The following CNTNAP5 variants were observed in gnomAD, a reference collection of about 807,000 sequenced individuals.
The protein encoded by CNTNAP5 is contactin associated protein family member 5.
Under a neutral mutation model 150.2 loss-of-function variants are expected in CNTNAP5, and 72 were observed. The observed-to-expected ratio is 0.48, with a 90% CI of 0.40 to 0.58. The LOEUF (loss-of-function observed/expected upper bound fraction) is 0.58, where lower values mean the gene tolerates loss of function less well. Among genes scored for constraint, CNTNAP5 ranks in the 20% least tolerant of loss-of-function variants. CNTNAP5 has a pLI of 0.00. For missense variants in CNTNAP5, 1,636 were observed against 1,626.2 expected (o/e 1.01, Z -0.10); for synonymous variants, 672 against 619.8 (o/e 1.08, Z -1.25).
At chr2:124,598,929 TC>T (rs1321807807) in intron 11 of CNTNAP5, among the ~76,000 whole-genome samples, 1 of 152,012 alleles carries the variant, frequency 6.6e-6, no homozygotes, top group Non-Finnish European at 1.5e-5. Context: ...GTCACCCCTT[TC>T]TTTGACTCGG....
chr2:124,397,095 C>G (rs1407130877), intron 3 of CNTNAP5, among the ~76,000 whole-genome samples: 1 of 152,196 alleles, frequency 6.6e-6, no homozygotes, highest in African/African-American at 2.4e-5. Flanking sequence ...AATTAGGTGA[C>G]ACTCTTGTGG....
At chr2:124,117,127 C>T (rs1258312498) in intron 1 of CNTNAP5, among the ~76,000 whole-genome samples, 1 of 152,124 alleles carries the variant, frequency 6.6e-6, no homozygotes, top group Non-Finnish European at 1.5e-5. Flanking sequence ...TTAAGTTTCC[C>T]TTATTTTCAT....
At chr2:124,118,562 G>T (rs1683483349) in intron 1 of CNTNAP5, among the ~76,000 whole-genome samples, 1 of 152,164 alleles carries the variant, frequency 6.6e-6, no homozygotes, top group Admixed American at 6.5e-5. Context: ...GCTCTTGAGA[G>T]AACATGAAGA....
At chr2:124,741,746 C>A (rs1680501465) in intron 13 of CNTNAP5, among the ~76,000 whole-genome samples, 1 of 152,076 alleles carries the variant, frequency 6.6e-6, no homozygotes, top group African/African-American at 2.4e-5. Context: ...GTATAGGAGT[C>A]TATATAGGCT....
chr2:124,851,298 G>T (rs568739531), intron 19 of CNTNAP5, among the ~76,000 whole-genome samples: 2 of 152,224 alleles, frequency 1.3e-5, no homozygotes, highest in African/African-American at 4.8e-5. Flanking sequence ...AGAGGCTACA[G>T]TAAGCCAAGA....
At chr2:124,734,001 GGAA>G (rs1324812797) in intron 13 of CNTNAP5, among the ~76,000 whole-genome samples, 3 of 152,100 alleles carry the variant, frequency 2.0e-5, no homozygotes, top group Non-Finnish European at 4.4e-5. Flanking sequence ...AGCCTGAGTA[GGAA>G]GAAGGACACA....
At chr2:124,045,927 G>T (rs1681520307) in intron 1 of CNTNAP5, among the ~76,000 whole-genome samples, 1 of 152,070 alleles carries the variant, frequency 6.6e-6, no homozygotes, top group African/African-American at 2.4e-5. Context: ...CTGAAATTGT[G>T]CACTCATCAC....
chr2:124,060,230 C>T (rs182591674), intron 1 of CNTNAP5, among the ~76,000 whole-genome samples: 6 of 152,202 alleles, frequency 3.9e-5, no homozygotes, highest in Admixed American at 3.9e-4. Flanking sequence ...ATCAGAAATC[C>T]GTCCACTATG....
chr2:124,157,821 C>G (rs1003989394), intron 1 of CNTNAP5, among the ~76,000 whole-genome samples: 2 of 152,286 alleles, frequency 1.3e-5, no homozygotes, highest in East Asian at 3.9e-4. Context: ...AGATCCCAAC[C>G]TAACCTTAAC....
chr2:124,758,784 A>C (rs926463371), intron 14 of CNTNAP5, among the ~76,000 whole-genome samples: 4 of 152,126 alleles, frequency 2.6e-5, no homozygotes, highest in South Asian at 2.1e-4. Flanking sequence ...ATAAAGAGAG[A>C]GCTTAATTGA....
At chr2:124,680,184 G>A (rs1171622572) in intron 13 of CNTNAP5, among the ~76,000 whole-genome samples, 1 of 151,762 alleles carries the variant, frequency 6.6e-6, no homozygotes, top group Admixed American at 6.7e-5. Context: ...TATCCCTCAA[G>A]GTTCAGCATA....
At chr2:124,612,990 T>G (rs1486343734) in intron 12 of CNTNAP5, among the ~76,000 whole-genome samples, 1 of 152,148 alleles carries the variant, frequency 6.6e-6, no homozygotes, top group East Asian at 1.9e-4. Context: ...AGGCAGAGAT[T>G]GCAGTGAGCC....
intron 12 of CNTNAP5, among the ~76,000 whole-genome samples, chr2:124,628,661 G>A (rs977784922): frequency 6.6e-6 from 1 of 152,056 alleles, no homozygotes; most frequent in African/African-American, 2.4e-5. Flanking sequence ...ACATTAACAA[G>A]TCTGCAAAAT....
intron 21 of CNTNAP5, among the ~76,000 whole-genome samples, chr2:124,882,735 C>G (rs1306411020): frequency 1.3e-5 from 2 of 152,002 alleles, no homozygotes; most frequent in African/African-American, 4.8e-5. Context: ...TAAAGATATA[C>G]TTGAGATTGG....
intron 13 of CNTNAP5, among the ~76,000 whole-genome samples, chr2:124,704,265 G>C (rs548615124): frequency 1.3e-5 from 2 of 152,296 alleles, no homozygotes; most frequent in South Asian, 4.1e-4. Flanking sequence ...GTGCTCCCCA[G>C]GGGGCCCGCA....
Position 124,115,648 on chromosome 2 carries a change from C to CTTT in CNTNAP5, c.82+89932_82+89934dup, listed in dbSNP as rs10666342. The stretch of plus-strand genomic sequence containing the variant: ...GAATTATTGCTTTCCGTATAATAGT[C>CTTT]TTTTTTTTTTTTTTTTTTGAGACGA... On this transcript the variant is annotated intron_variant, in intron 1 of 23. Coordinates refer to ENST00000682447, the MANE Select transcript of CNTNAP5 (RefSeq NM_001367498.1). 7.9e-4 allele frequency among the ~76,000 whole-genome samples: 98 copies of CTTT among 123,692 alleles called. 2 individuals are homozygous for CTTT. The highest frequency in any genetic ancestry group is 4.8e-3 in the Middle Eastern group (1 of 210). The allele number at this position is 123,692 out of a possible 152,430, so 81.1% of individuals were successfully genotyped here.
In CNTNAP5 at chr2:124,773,194, C is replaced by T. The variant is rs75611233; in HGVS notation, c.2752+177C>T. Among the ~76,000 whole-genome samples, 247 of 152,264 alleles carry T rather than the reference C, an allele frequency of 1.6e-3. 5 individuals carry two copies. The East Asian group carries it at 0.046, about 28-fold the overall frequency. ...TTTATTCTGGCTTCATTGGCTACAT[C>T]GAGTTAAGATAATGCTAACCTTTAG... On this transcript the variant is annotated intron_variant, in intron 17 of 23. Transcript: ENST00000682447.
At chr2:124,741,962 A>C (rs2105139018) in intron 13 of CNTNAP5, among the ~76,000 whole-genome samples, 1 of 152,166 alleles carries the variant, frequency 6.6e-6, no homozygotes, top group South Asian at 2.1e-4. Context: ...TTCTTTTCCA[A>C]GTTTATGATG....
intron 3 of CNTNAP5, among the ~76,000 whole-genome samples, chr2:124,249,981 GTGTGTGTGTGTA>G (rs953406561): frequency 9.0e-4 from 92 of 102,484 alleles, no homozygotes; most frequent in African/African-American, 4.0e-3. Flanking sequence ...GTGTGTGTGT[GTGTGTGTGTGTA>G]TGTGTTTCTT....
Sources: allele counts gnomAD v4.1 joint callset (sites outside exome capture counted in the v4.1 genomes callset), GRCh38; gene constraint gnomAD v4.1.1; transcripts MANE v1.5; gene names NCBI Gene and HGNC (gene_info 2026-07-23, HGNC 2026-07-21).